Variants in OSTF1 observed in about 807,000 individuals in gnomAD.
OSTF1 encodes the protein osteoclast-stimulating factor 1.
OSTF1 carries 27 observed loss-of-function variants against 37.2 expected under a neutral mutation model. That is an observed-to-expected ratio of 0.73 (90% CI 0.54 to 1.00). The LOEUF (loss-of-function observed/expected upper bound fraction) is 1.00. OSTF1 is among the 50% of genes least tolerant of loss of function. The probability of loss-of-function intolerance (pLI) is 0.00; values close to 1 mark genes in which losing one functional copy is unlikely to be tolerated. For synonymous variants in OSTF1, 82 were observed against 89.2 expected, an observed-to-expected ratio of 0.92 and a Z score of 0.46; for missense variants, 232 against 253.8, an observed-to-expected ratio of 0.91 and a Z score of 0.58.
intron 1 of OSTF1, among the ~76,000 whole-genome samples, chr9:75,107,801 G>A (rs1825315177): frequency 6.6e-6 from 1 of 152,124 alleles, no homozygotes. Context: ...GCCAAATGGT[G>A]GAATGCCAAC....
chr9:75,130,514 A>C (rs2118579938), intron 3 of OSTF1, 64 bp from the exon 4 acceptor site: 1 of 1,105,082 alleles, frequency 9.0e-7, no homozygotes, highest in East Asian at 2.4e-5. Flanking sequence ...GAGCTAGATA[A>C]TTTGAAAAGT....
In OSTF1 at chr9:75,088,661, G is replaced by C. The variant is rs747208516; in HGVS notation, c.-32G>C. On this transcript the variant is annotated 5_prime_UTR_variant, in exon 1 of 10. Coordinates refer to ENST00000346234, the MANE Select transcript of OSTF1 (RefSeq NM_012383.5). ...GGGCAAGCGGTGGGCTTTTCGGCGG[G>C]GTCTTTAGGATTTGCAGCTCCAGGA... 1 of 1,602,082 alleles carries C rather than the reference G, an allele frequency of 6.2e-7. No individual in the cohort carries two copies. The highest frequency in any genetic ancestry group is 1.3e-5 in the African/African-American group (1 of 74,496).
chr9:75,088,599 G>T lies in OSTF1; in HGVS notation c.-94G>T, dbSNP rs776070420. The T allele has an allele frequency of 1.2e-4, 170 of 1,374,722 alleles. No individual in the cohort carries two copies. The highest frequency in any genetic ancestry group is 1.6e-4 in the Admixed American group (8 of 51,152). 85.2% of individuals were successfully genotyped at this position (1,374,722 alleles called of 1,614,324 possible). ...CTAGGAGGCGCACGGTTGTAAGCCA[G>T]ACAAAAAGAACTGGGGTGCCCGGAG... On this transcript the variant is annotated 5_prime_UTR_variant, in exon 1 of 10. Coordinates refer to ENST00000346234, the MANE Select transcript of OSTF1 (RefSeq NM_012383.5).
intron 9 of OSTF1, among the ~76,000 whole-genome samples, chr9:75,142,028 G>A (rs192978396): frequency 2.0e-4 from 30 of 152,240 alleles, no homozygotes; most frequent in African/African-American, 6.7e-4. Flanking sequence ...GATTACAGGC[G>A]AGAGCCGCTG....
At chr9:75,137,694 G>A in intron 8 of OSTF1, 78 bp downstream of exon 8, 1 of 887,400 alleles carries the variant, frequency 1.1e-6, no homozygotes, top group Non-Finnish European at 1.9e-6. Context: ...ATTTGAAATG[G>A]TAGGAAGAAT....
At chr9:75,140,963 G>A (rs1430784853) in intron 9 of OSTF1, 31 bp downstream of exon 9, 1 of 1,435,592 alleles carries the variant, frequency 7.0e-7, no homozygotes, top group South Asian at 1.1e-5. Context: ...TTTCTCCTCT[G>A]GTGCCCCATA....
chr9:75,134,885 A>T (rs1015980126), intron 7 of OSTF1, among the ~76,000 whole-genome samples: 1 of 152,104 alleles, frequency 6.6e-6, no homozygotes, highest in Non-Finnish European at 1.5e-5. Flanking sequence ...TTCTGTACTT[A>T]CTTTTTAAAA....
chr9:75,130,584 A>G lies in OSTF1; in HGVS notation c.139A>G (p.Thr47Ala). ...DIIYITDMSD[T>A]NWWKGTSKGR... ...TTAACTCTTCTTTTACCAGAGCGAT[A>G]CCAATTGGTGGAAAGGCACCTCCAA... The change falls in exon 4 of 10, where the codon ACC (threonine) becomes GCC (alanine). Residue 47 changes from threonine (T) to alanine (A), a missense_variant. Physicochemically the swap from Thr to Ala is moderately conservative, Grantham distance 58. Transcript: ENST00000346234. The G allele has an allele frequency of 1.2e-6, 2 of 1,604,568 alleles. No homozygotes were observed. Among genetic ancestry groups the G allele is most frequent in the East Asian group, 4.5e-5 (2 of 44,840 alleles).
intron 2 of OSTF1, among the ~76,000 whole-genome samples, chr9:75,121,714 T>A (rs1349287938): frequency 2.6e-5 from 4 of 152,160 alleles, no homozygotes; most frequent in African/African-American, 9.7e-5. Flanking sequence ...TTGGAAGCTG[T>A]TTGGTCTCTC....
intron 1 of OSTF1, among the ~76,000 whole-genome samples, chr9:75,111,845 G>C (rs1379553263): frequency 1.8e-5 from 2 of 110,560 alleles, no homozygotes; most frequent in East Asian, 2.4e-4. Context: ...TTTTTTTGAG[G>C]CGGAGTTTCT....
At chr9:75,142,422 C>G (rs898979483) in intron 9 of OSTF1, among the ~76,000 whole-genome samples, 6 of 152,166 alleles carry the variant, frequency 3.9e-5, no homozygotes, top group Non-Finnish European at 7.4e-5. Context: ...TGTTGTGTGG[C>G]TACCCTTAGC....
At chr9:75,143,539 G>A (rs1825977216) in intron 9 of OSTF1, among the ~76,000 whole-genome samples, 1 of 152,156 alleles carries the variant, frequency 6.6e-6, no homozygotes, top group African/African-American at 2.4e-5. Flanking sequence ...TGAACTTTAT[G>A]TAAATGGAAT....
intron 9 of OSTF1, among the ~76,000 whole-genome samples, chr9:75,145,269 G>C (rs11144253): frequency 0.088 from 13,426 of 151,986 alleles, 782 homozygotes; most frequent in Middle Eastern, 0.16. Context: ...ATCAAATCTA[G>C]CTAGCTAGCC....
intron 1 of OSTF1, among the ~76,000 whole-genome samples, chr9:75,095,425 T>C (rs780282041): frequency 6.6e-6 from 1 of 152,072 alleles, no homozygotes; most frequent in Admixed American, 6.5e-5. Context: ...CTGGGAAGCA[T>C]GGGGCAAGGA....
At chr9:75,140,751 A>G (rs1825928983) in intron 8 of OSTF1, 83 bp from the exon 9 acceptor site, 5 of 884,502 alleles carry the variant, frequency 5.7e-6, no homozygotes, top group Admixed American at 2.4e-5. Context: ...TTTTGCCAAA[A>G]GTTGTTAGCT....
chr9:75,143,757 G>A (rs537972603), intron 9 of OSTF1, among the ~76,000 whole-genome samples: 39 of 152,354 alleles, frequency 2.6e-4, no homozygotes, highest in African/African-American at 9.1e-4. Context: ...AAGGATGGCA[G>A]TGCTGCAGGA....
intron 1 of OSTF1, among the ~76,000 whole-genome samples, chr9:75,108,852 TAG>T (rs964929932): frequency 2.0e-5 from 3 of 152,088 alleles, no homozygotes; most frequent in Non-Finnish European, 4.4e-5. Flanking sequence ...GACCTTGTTT[TAG>T]AGAGAGGATT....
In OSTF1 at chr9:75,124,240, A is replaced by G. The variant is rs542758565; in HGVS notation, c.82-3329A>G. ...GGAATCACATCATGGGATATTAAGT[A>G]TCCAACCCCTCAAGCGTTTATCGTT... is the stretch of plus-strand genomic sequence containing the variant. On this transcript the variant is annotated intron_variant, in intron 2 of 9. Coordinates refer to ENST00000346234, the MANE Select transcript of OSTF1 (RefSeq NM_012383.5). Among the ~76,000 whole-genome samples the G allele has an allele frequency of 3.3e-5, 5 of 152,320 alleles. No individual in the cohort carries two copies. The South Asian group carries it at 1.0e-3, about 32-fold the overall frequency.
Position 75,088,689 on chromosome 9 carries a change from C to T in OSTF1, c.-4C>T, listed in dbSNP as rs773820944. On this transcript the variant is annotated 5_prime_UTR_variant, in exon 1 of 10. Coordinates refer to ENST00000346234, the MANE Select transcript of OSTF1 (RefSeq NM_012383.5). ...CTTTAGGATTTGCAGCTCCAGGAAG[C>T]GAGATGTCGAAGCCGCCACCCAAAC... The T allele has an allele frequency of 3.1e-6, 5 of 1,608,274 alleles. No homozygotes were observed. Among genetic ancestry groups the T allele is most frequent in the Non-Finnish European group, 4.2e-6 (5 of 1,177,228 alleles).
Sources: gnomAD v4.1 joint callset for allele counts (sites outside exome capture counted in the v4.1 genomes callset) on GRCh38, gnomAD v4.1.1 for gene constraint, MANE v1.5 for transcripts, NCBI Gene and HGNC (gene_info 2026-07-23, HGNC 2026-07-21) for gene names.